The following AXIN1 variants were observed in gnomAD, a reference collection of about 807,000 sequenced individuals.
AXIN1 encodes axin-1.
In AXIN1, 30 loss-of-function variants were observed where a neutral mutation model predicts 76.4. That is an observed-to-expected ratio of 0.39 (90% confidence interval 0.29 to 0.53). The LOEUF is 0.53. Ranked by LOEUF, AXIN1 falls within the 20% of genes least tolerant of loss-of-function variation. AXIN1 has a pLI of 0.66. For synonymous variants in AXIN1, 545 were observed against 501.4 expected, an observed-to-expected ratio of 1.09 and a Z score of -1.16; for missense variants, 1,140 against 1,198.8, an observed-to-expected ratio of 0.95 and a Z score of 0.72.
At chr16:309,106 G>A (rs1298688222) in intron 4 of AXIN1, among the ~76,000 whole-genome samples, 2 of 152,122 alleles carry the variant, frequency 1.3e-5, no homozygotes, top group Non-Finnish European at 1.5e-5. Context: ...TGAAACGGGC[G>A]GATCACGAGG....
chr16:323,120 T>C (rs1014626084), intron 2 of AXIN1, among the ~76,000 whole-genome samples: 7 of 151,844 alleles, frequency 4.6e-5, no homozygotes, highest in Non-Finnish European at 8.8e-5. Flanking sequence ...AGACCCTGTC[T>C]TGAAAGAAAG....
In AXIN1 at chr16:287,451, A is replaced by C; in HGVS notation, c.*671T>G. Reference sequence around the variant, plus strand: ...ACACCACAGCCAGGGCAGGTTCAAAAACAGTTTTATTTCATTATTATCCAA... The same window carrying C: ...ACACCACAGCCAGGGCAGGTTCAAACACAGTTTTATTTCATTATTATCCAA... On this transcript the variant is annotated 3_prime_UTR_variant, in exon 11 of 11. Coordinates refer to ENST00000262320, the MANE Select transcript of AXIN1 (RefSeq NM_003502.4). The C allele has an allele frequency of 2.3e-6, 1 of 440,820 alleles. No individual in the cohort carries two copies. 27.3% of individuals were successfully genotyped at this position (440,820 alleles called of 1,614,324 possible). A position where few individuals can be genotyped will look rare whatever the true frequency, so the allele number is the denominator to read the frequency against.
intron 2 of AXIN1, among the ~76,000 whole-genome samples, chr16:317,717 TCTTTG>T (rs1327278948): frequency 6.6e-6 from 1 of 152,232 alleles, no homozygotes; most frequent in East Asian, 1.9e-4. Flanking sequence ...AGCTTCAGGC[TCTTTG>T]CTTTAAGCAT....
At chr16:307,363 T>G (rs973342285) in intron 4 of AXIN1, among the ~76,000 whole-genome samples, 1 of 152,076 alleles carries the variant, frequency 6.6e-6, no homozygotes, top group Non-Finnish European at 1.5e-5. Context: ...CTCTCCAGCT[T>G]TAGAGGAACA....
At chr16:297,289 G>T (rs771986622) in intron 6 of AXIN1, 63 bp from the exon 7 acceptor site, 3 of 1,590,512 alleles carry the variant, frequency 1.9e-6, no homozygotes, top group South Asian at 2.2e-5. Flanking sequence ...CCCCTTCCTC[G>T]TCTGCGAGGC....
intron 3 of AXIN1, 106 bp from the exon 4 acceptor site, chr16:310,175 G>A: frequency 1.0e-6 from 1 of 992,128 alleles, no homozygotes; most frequent in Non-Finnish European, 1.5e-6. Context: ...GCAATGATGA[G>A]GACACCTGTG....
chr16:290,864 G>C, intron 9 of AXIN1: 1 of 445,026 alleles, frequency 2.2e-6, no homozygotes. Context: ...GTTCCAAGCC[G>C]GGTGGAGGCG....
Position 309,919 on chromosome 16 carries a change from G to C in AXIN1, c.1116+54C>G, listed in dbSNP as rs900502133. On this transcript the variant is annotated intron_variant, in intron 4 of 10. Transcript: ENST00000262320. ...CCTTTCCCGCGGACCAGTTCACCAGGCCCACGCTGAGCGGGGAGGACGATG... is the reference window on the plus strand; with the variant it reads ...CCTTTCCCGCGGACCAGTTCACCAGCCCCACGCTGAGCGGGGAGGACGATG... 3.2e-6 allele frequency: 5 copies of C among 1,562,548 alleles called. No individual in the cohort carries two copies. In the African/African-American group the frequency reaches 6.8e-5, roughly 21 times the overall value.
At chr16:318,567 T>C (rs1304132608) in intron 2 of AXIN1, among the ~76,000 whole-genome samples, 1 of 152,118 alleles carries the variant, frequency 6.6e-6, no homozygotes, top group Admixed American at 6.5e-5. Flanking sequence ...AAGAACGTTC[T>C]GGTCAAAGAC....
In AXIN1 at chr16:352,406, C is replaced by T. The variant is rs2054165369; in HGVS notation, c.-119G>A. 1.2e-6 allele frequency: 1 copy of T among 848,968 alleles called. No individual in the cohort carries two copies. The highest frequency in any genetic ancestry group is 1.3e-6 in the Non-Finnish European group (1 of 770,056). 52.6% of individuals were successfully genotyped at this position (848,968 alleles called of 1,614,324 possible). Reference sequence around the variant, plus strand: ...GTGGCGGGACCCCGGGCCCGGCTCCCGGAGCGGCGCGGCGCGGTCCGGGCC... The same window carrying T: ...GTGGCGGGACCCCGGGCCCGGCTCCTGGAGCGGCGCGGCGCGGTCCGGGCC... On this transcript the variant is annotated 5_prime_UTR_variant, in exon 1 of 11. Coordinates refer to ENST00000262320, the MANE Select transcript of AXIN1 (RefSeq NM_003502.4).
intron 2 of AXIN1, among the ~76,000 whole-genome samples, chr16:321,323 G>T (rs2053453119): frequency 7.4e-6 from 1 of 135,660 alleles, no homozygotes; most frequent in Non-Finnish European, 1.6e-5. Flanking sequence ...CATGGCACCT[G>T]CTGGTGACAA....
chr16:333,245 T>C (rs1358726241), intron 2 of AXIN1, among the ~76,000 whole-genome samples: 6 of 151,868 alleles, frequency 4.0e-5, no homozygotes, highest in Admixed American at 2.0e-4. Context: ...GGCAGGAGAA[T>C]TGCTTGAACC....
At chr16:313,273 G>C (rs2053224386) in intron 3 of AXIN1, among the ~76,000 whole-genome samples, 1 of 152,214 alleles carries the variant, frequency 6.6e-6, no homozygotes, top group Admixed American at 6.5e-5. Flanking sequence ...TTGCAGTCCA[G>C]CCTGGGTGAC....
At chr16:312,105 G>A (rs1433194092) in intron 3 of AXIN1, among the ~76,000 whole-genome samples, 1 of 152,144 alleles carries the variant, frequency 6.6e-6, no homozygotes, top group Non-Finnish European at 1.5e-5. Context: ...TCTTAGACAT[G>A]ATACTTGGAT....
intron 9 of AXIN1, 64 bp downstream of exon 9, chr16:291,126 G>A (rs2141475260): frequency 1.4e-6 from 2 of 1,479,992 alleles, no homozygotes; most frequent in Non-Finnish European, 9.2e-7. Flanking sequence ...TCTACGATGG[G>A]ACCTGGCTTG....
rs1567292839 is a variant in AXIN1 at position 326,375 on chromosome 16, AT to A, written c.879-11693del. Among the ~76,000 whole-genome samples, 75 of 65,282 alleles carry A rather than the reference AT, an allele frequency of 1.1e-3. 1 individual carries two copies. Among genetic ancestry groups the A allele is most frequent in the African/African-American group, 6.2e-3 (70 of 11,368 alleles). 42.8% of individuals were successfully genotyped at this position (65,282 alleles called of 152,430 possible). A position where few individuals can be genotyped will look rare whatever the true frequency, so the allele number is the denominator to read the frequency against. On this transcript the variant is annotated intron_variant, in intron 2 of 10. Coordinates refer to ENST00000262320, the MANE Select transcript of AXIN1 (RefSeq NM_003502.4). ...GTCTCAAAAAAAAAAAAAAAAAAAT[AT>A]ATATATATATATATATATACACACC...
At chr16:328,669 C>T (rs1206102947) in intron 2 of AXIN1, among the ~76,000 whole-genome samples, 8 of 152,164 alleles carry the variant, frequency 5.3e-5, no homozygotes, top group African/African-American at 1.9e-4. Context: ...GCTCTCCAGC[C>T]TGGGCAACAA....
intron 2 of AXIN1, among the ~76,000 whole-genome samples, chr16:332,417 A>G (rs2053711255): frequency 6.6e-6 from 1 of 151,942 alleles, no homozygotes; most frequent in African/African-American, 2.4e-5. Flanking sequence ...CTCTACTAAA[A>G]ATACAAAAAA....
chr16:300,846 A>G (rs214245), intron 5 of AXIN1, among the ~76,000 whole-genome samples: 146,422 of 152,298 alleles, frequency 0.96, 70,432 homozygotes, highest in East Asian at 1. Context: ...GATGCCGTTC[A>G]CTGCCTTGGC....
Sources: allele counts gnomAD v4.1 joint callset (sites outside exome capture counted in the v4.1 genomes callset), GRCh38; gene constraint gnomAD v4.1.1; transcripts MANE v1.5; gene names NCBI Gene and HGNC (gene_info 2026-07-23, HGNC 2026-07-21).